The following C10orf143 variants were observed in gnomAD, a reference collection of about 807,000 sequenced individuals.
C10orf143 encodes the protein uncharacterized protein C10orf143.
intron 3 of C10orf143, among the ~76,000 whole-genome samples, chr10:130,050,208 T>C (rs1330842301): frequency 2.6e-5 from 4 of 152,266 alleles, no homozygotes; most frequent in African/African-American, 4.8e-5. Flanking sequence ...ACACCCAAAC[T>C]TCCACTCTCG....
chr10:130,063,319 T>A (rs1332774670), downstream of C10orf143, among the ~76,000 whole-genome samples: 1 of 152,154 alleles, frequency 6.6e-6, no homozygotes, highest in Non-Finnish European at 1.5e-5. Context: ...AAATTAGACG[T>A]GTATCTCATT....
At chr10:130,110,169 A>G (rs1279465745) in intron 1 of C10orf143, among the ~76,000 whole-genome samples, 3 of 151,982 alleles carry the variant, frequency 2.0e-5, no homozygotes, top group Non-Finnish European at 2.9e-5. Context: ...CCCCATTACC[A>G]TCTCATCTTA....
intron 3 of C10orf143, among the ~76,000 whole-genome samples, chr10:130,077,547 C>T (rs577141935): frequency 6.6e-6 from 1 of 152,336 alleles, no homozygotes; most frequent in East Asian, 1.9e-4. Flanking sequence ...GAGCTGCCTA[C>T]GGGCATCATG....
chr10:130,086,849 G>A (rs72843899), intron 1 of C10orf143, among the ~76,000 whole-genome samples: 17 of 152,330 alleles, frequency 1.1e-4, no homozygotes, highest in Non-Finnish European at 2.4e-4. Context: ...CAACACTTAT[G>A]AAACTATATT....
chr10:130,084,578 T>G (rs1202687399), intron 1 of C10orf143, among the ~76,000 whole-genome samples: 1 of 152,178 alleles, frequency 6.6e-6, no homozygotes, highest in Non-Finnish European at 1.5e-5. Flanking sequence ...ATTAGAATTT[T>G]TAATACATAT....
intron 1 of C10orf143, among the ~76,000 whole-genome samples, chr10:130,087,446 G>A (rs1861308343): frequency 6.6e-6 from 1 of 152,180 alleles, no homozygotes; most frequent in East Asian, 1.9e-4. Flanking sequence ...TGAAGCAGGA[G>A]CGTGGCCGAG....
At chr10:130,087,545 G>A (rs577383836) in intron 1 of C10orf143, among the ~76,000 whole-genome samples, 16 of 152,290 alleles carry the variant, frequency 1.1e-4, no homozygotes, top group African/African-American at 3.8e-4. Context: ...AGCTGCCACA[G>A]ATCTCAGGAA....
chr10:130,085,039 A>G (rs1861269280), intron 1 of C10orf143, among the ~76,000 whole-genome samples: 1 of 152,262 alleles, frequency 6.6e-6, no homozygotes, highest in Non-Finnish European at 1.5e-5. Flanking sequence ...ATCAAAAATA[A>G]TTGAGTAAAT....
chr10:130,074,745 G>A (rs115285145), intron 3 of C10orf143, among the ~76,000 whole-genome samples: 2 of 152,066 alleles, frequency 1.3e-5, no homozygotes, highest in Non-Finnish European at 2.9e-5. Flanking sequence ...TACTTTAAAG[G>A]TAACCCATTT....
At chr10:130,049,289 G>A (rs190119363) in intron 3 of C10orf143, among the ~76,000 whole-genome samples, 83 of 152,336 alleles carry the variant, frequency 5.4e-4, no homozygotes, top group Non-Finnish European at 9.6e-4. Context: ...ATGGGGGCTC[G>A]GGCAAGCTCC....
In C10orf143 at chr10:130,093,412, G is replaced by A. The variant is rs578066880; in HGVS notation, c.70-13511C>T. On this transcript the variant is annotated intron_variant, in intron 1 of 3. Transcript: ENST00000637128. ...CCAGAATCTCTGAGACACAGCTAAA[G>A]CAGTGTTTAGAGGGAAAGTTATAGC... 2.6e-5 allele frequency among the ~76,000 whole-genome samples: 4 copies of A among 152,270 alleles called. No homozygotes were observed. In the South Asian group the frequency reaches 8.3e-4, roughly 32 times the overall value.
intron 3 of C10orf143, among the ~76,000 whole-genome samples, chr10:130,053,252 G>T (rs1590007557): frequency 6.6e-6 from 1 of 152,208 alleles, no homozygotes; most frequent in South Asian, 2.1e-4. Context: ...GTAGAAACGG[G>T]GTTTCACTAT....
At chr10:130,052,719 C>G (rs1269295740) in intron 3 of C10orf143, among the ~76,000 whole-genome samples, 1 of 152,158 alleles carries the variant, frequency 6.6e-6, no homozygotes, top group Non-Finnish European at 1.5e-5. Context: ...GAGCTTAGAC[C>G]AGGACACCAG....
chr10:130,063,642 G>A (rs3824760), downstream of C10orf143, among the ~76,000 whole-genome samples: 8,031 of 152,254 alleles, frequency 0.053, 562 homozygotes, highest in African/African-American at 0.16. Flanking sequence ...CATCAGTGCC[G>A]AGGACACTCC....
intron 3 of C10orf143, among the ~76,000 whole-genome samples, chr10:130,053,026 G>A (rs1227781499): frequency 1.1e-4 from 17 of 151,534 alleles, no homozygotes; most frequent in Admixed American, 1.1e-3. Flanking sequence ...GCAAAATGTT[G>A]AGTTTTGTTA....
intron 3 of C10orf143, among the ~76,000 whole-genome samples, chr10:130,047,359 C>T (rs548956268): frequency 6.6e-6 from 1 of 152,324 alleles, no homozygotes; most frequent in Admixed American, 6.5e-5. Flanking sequence ...AGGCAGTCTG[C>T]TCCCTCGCTC....
At chr10:130,106,503 AAGAAG>A (rs770287481) in intron 1 of C10orf143, 2 of 1,601,422 alleles carry the variant, frequency 1.2e-6, no homozygotes, top group East Asian at 2.2e-5. Flanking sequence ...AAAGAGTTAA[AAGAAG>A]AGAAATCTAA....
At chr10:130,038,497 T>C (rs925879878) in intron 3 of C10orf143, among the ~76,000 whole-genome samples, 3 of 152,144 alleles carry the variant, frequency 2.0e-5, no homozygotes, top group Non-Finnish European at 4.4e-5. Context: ...GATGAGCCTG[T>C]GTAACACTTC....
chr10:130,072,237 T>C (rs1175600754), intron 3 of C10orf143, among the ~76,000 whole-genome samples: 2 of 152,252 alleles, frequency 1.3e-5, no homozygotes, highest in Non-Finnish European at 2.9e-5. Context: ...TATATCTTGA[T>C]ATCTGATGGA....
Sources: gnomAD v4.1 joint callset for allele counts (sites outside exome capture counted in the v4.1 genomes callset) on GRCh38, gnomAD v4.1.1 for gene constraint, MANE v1.5 for transcripts, NCBI Gene and HGNC (gene_info 2026-07-23, HGNC 2026-07-21) for gene names.